The following ARHGEF7 variants were observed in gnomAD, a reference collection of about 807,000 sequenced individuals.
The protein encoded by ARHGEF7 is PAK-interacting exchange factor beta.
A neutral mutation model predicts 109.8 loss-of-function variants in ARHGEF7; 33 were observed. The ratio of observed to expected loss-of-function variants is 0.30; its 90% CI spans 0.23 to 0.40. The LOEUF is 0.40. Among genes scored for constraint, ARHGEF7 ranks in the 10% least tolerant of loss-of-function variants. ARHGEF7 has a pLI of 1.00. For synonymous variants in ARHGEF7, 458 were observed against 424.6 expected, an observed-to-expected ratio of 1.08 and a Z score of -0.97; for missense variants, 938 against 1,098.5, an observed-to-expected ratio of 0.85 and a Z score of 2.07.
intron 19 of ARHGEF7, chr13:111,292,574 G>A: frequency 7.6e-7 from 1 of 1,323,610 alleles, no homozygotes; most frequent in Non-Finnish European, 9.6e-7. Context: ...CTCTTCGTAA[G>A]GGGTAGTTGT....
chr13:111,189,884 A>G (rs1357344961), intron 2 of ARHGEF7, among the ~76,000 whole-genome samples: 1 of 152,166 alleles, frequency 6.6e-6, no homozygotes, highest in African/African-American at 2.4e-5. Flanking sequence ...CTTTAGCTAG[A>G]CAGAAAAGTT....
intron 2 of ARHGEF7, chr13:111,159,075 C>G: frequency 1.4e-6 from 1 of 718,412 alleles, no homozygotes; most frequent in African/African-American, 1.7e-5. Context: ...AACCACCATT[C>G]TCTTGTCTGC....
At position 111,303,949 on chromosome 13, in the gene ARHGEF7, C is replaced by G. The variant is rs2093615508; in HGVS notation, c.*836C>G. On this transcript the variant is annotated 3_prime_UTR_variant, in exon 22 of 22. Transcript: ENST00000646102. ...CAACAAAATACACTGTTTTGTCTTC[C>G]CTCAAAGAGAGATCTTACTAGAACC... 1 of 152,120 alleles carries G rather than the reference C, an allele frequency of 6.6e-6. No homozygotes were observed. Among genetic ancestry groups the G allele is most frequent in the South Asian group, 2.1e-4 (1 of 4,828 alleles). The allele number at this position is 152,120 out of a possible 1,614,324, so 9.4% of individuals were successfully genotyped here.
intron 19 of ARHGEF7, among the ~76,000 whole-genome samples, chr13:111,297,154 TTTC>T (rs1471634125): frequency 6.6e-6 from 1 of 152,250 alleles, no homozygotes; most frequent in Non-Finnish European, 1.5e-5. Flanking sequence ...CTAGAGAACA[TTTC>T]TTTGTTGTTT....
chr13:111,276,723 G>C (rs762281719), intron 12 of ARHGEF7, among the ~76,000 whole-genome samples: 2 of 152,192 alleles, frequency 1.3e-5, no homozygotes, highest in East Asian at 3.8e-4. Context: ...ATAGCAAGTC[G>C]TTCTCAGTGA....
chr13:111,150,319 T>C (rs1196048614), intron 1 of ARHGEF7, among the ~76,000 whole-genome samples: 1 of 152,242 alleles, frequency 6.6e-6, no homozygotes, highest in Non-Finnish European at 1.5e-5. Context: ...TTTTGGCTGC[T>C]GTGAGAAGGA....
chr13:111,294,109 G>A (rs1342339983), intron 19 of ARHGEF7: 2 of 985,334 alleles, frequency 2.0e-6, no homozygotes, highest in African/African-American at 3.5e-5. Flanking sequence ...TCAGAGCCCA[G>A]TGTTAATCTC....
chr13:111,170,550 G>A (rs774693126), intron 2 of ARHGEF7, among the ~76,000 whole-genome samples: 1 of 152,166 alleles, frequency 6.6e-6, no homozygotes, highest in African/African-American at 2.4e-5. Context: ...CGTTATCAAC[G>A]GCCTTGCACA....
intron 10 of ARHGEF7, 58 bp downstream of exon 10, chr13:111,274,010 G>T (rs553853181): frequency 6.4e-7 from 1 of 1,571,738 alleles, no homozygotes; most frequent in Non-Finnish European, 8.7e-7. Flanking sequence ...GGCATGGTCA[G>T]ACTTACTGTG....
At chr13:111,218,168 C>CTTT (rs869249587) in intron 5 of ARHGEF7, among the ~76,000 whole-genome samples, 1 of 144,564 alleles carries the variant, frequency 6.9e-6, no homozygotes. Flanking sequence ...AAGAATTGAT[C>CTTT]TTTTTTTTTT....
chr13:111,164,337 C>T (rs2076965122), intron 2 of ARHGEF7, among the ~76,000 whole-genome samples: 1 of 152,166 alleles, frequency 6.6e-6, no homozygotes, highest in Non-Finnish European at 1.5e-5. Context: ...TACAAGCATG[C>T]TGCTGCCTAG....
At chr13:111,230,616 C>A (rs978756621) in intron 5 of ARHGEF7, among the ~76,000 whole-genome samples, 1 of 152,218 alleles carries the variant, frequency 6.6e-6, no homozygotes, top group Non-Finnish European at 1.5e-5. Context: ...CCAGGGGCTT[C>A]CTGTCTCCCC....
intron 1 of ARHGEF7, among the ~76,000 whole-genome samples, chr13:111,141,173 C>T (rs753597978): frequency 2.6e-5 from 4 of 152,158 alleles, no homozygotes; most frequent in Non-Finnish European, 4.4e-5. Flanking sequence ...CTAAAGTTCA[C>T]AGTTTCCATT....
intron 3 of ARHGEF7, chr13:111,209,321 T>G (rs538843781): frequency 1.3e-5 from 2 of 152,390 alleles, no homozygotes; most frequent in African/African-American, 4.8e-5. Flanking sequence ...GTCTGTTTAC[T>G]TTGATTCTGT....
chr13:111,211,071 C>G (rs1452643309), intron 4 of ARHGEF7, among the ~76,000 whole-genome samples: 3 of 152,200 alleles, frequency 2.0e-5, no homozygotes, highest in Non-Finnish European at 1.5e-5. Flanking sequence ...ATTGCTGTGT[C>G]TCCTCTTAGA....
intron 8 of ARHGEF7, chr13:111,265,856 G>A: frequency 2.4e-6 from 1 of 409,724 alleles, no homozygotes; most frequent in Non-Finnish European, 4.9e-6. Context: ...TTGATCTTAG[G>A]CTTCCAACCT....
At chr13:111,164,619 G>T (rs559286077) in intron 2 of ARHGEF7, among the ~76,000 whole-genome samples, 1 of 152,338 alleles carries the variant, frequency 6.6e-6, no homozygotes, top group South Asian at 2.1e-4. Flanking sequence ...TGCTGGTATT[G>T]TTCTTAGAGG....
At position 111,239,939 on chromosome 13, in the gene ARHGEF7, C is replaced by T. The variant is rs553285555; in HGVS notation, c.760-3933C>T. Reference sequence around the variant, plus strand: ...CTGACTGAAGGAGTCATTTAAGAAGCAGCTCCAAGTAAGACTCTACATTGG... The same window carrying T: ...CTGACTGAAGGAGTCATTTAAGAAGTAGCTCCAAGTAAGACTCTACATTGG... On this transcript the variant is annotated intron_variant, in intron 6 of 21. Coordinates refer to ENST00000646102, the MANE Select transcript of ARHGEF7 (RefSeq NM_001354046.2). This position sits in a 1 kb window ranked among gnomAD's most constrained non-coding sequence, Gnocchi z 4.3. Among the ~76,000 whole-genome samples, 2 of 152,272 alleles carry T rather than the reference C, an allele frequency of 1.3e-5. No individual in the cohort carries two copies. The highest frequency in any genetic ancestry group is 2.9e-5 in the Non-Finnish European group (2 of 68,020).
chr13:111,292,833 A>G lies in ARHGEF7; in HGVS notation c.2311+539A>G, dbSNP rs563002652. On this transcript the variant is annotated intron_variant, in intron 19 of 21. Transcript: ENST00000646102. ...TATGCAGCAAAGGTGCTGTGAGCCC[A>G]GTTCCAACGGCTGTGTTCTGGTAAT... 898 of 992,532 alleles carry G rather than the reference A, an allele frequency of 9.0e-4. 4 individuals carry two copies. Among genetic ancestry groups the G allele is most frequent in the Middle Eastern group, 8.3e-3 (16 of 1,922 alleles). The allele number at this position is 992,532 out of a possible 1,614,324, so 61.5% of individuals were successfully genotyped here. A position where few individuals can be genotyped will look rare whatever the true frequency, so the allele number is the denominator to read the frequency against.
Sources: gnomAD v4.1 joint callset for allele counts (sites outside exome capture counted in the v4.1 genomes callset) on GRCh38, gnomAD v4.1.1 for gene constraint, Gnocchi (gnomAD v3.1) non-coding constraint, MANE v1.5 for transcripts, NCBI Gene and HGNC (gene_info 2026-07-23, HGNC 2026-07-21) for gene names.